NFX1: variants seen among roughly 807,000 people sequenced by gnomAD.
NFX1 encodes the protein nuclear transcription factor, X-box binding 1.
In NFX1, 69 loss-of-function variants were observed where a neutral mutation model predicts 137.2. The observed-to-expected ratio is 0.50, with a 90% CI of 0.41 to 0.61. The LOEUF (loss-of-function observed/expected upper bound fraction) is 0.61. Ranked by LOEUF, NFX1 falls within the 20% of genes least tolerant of loss-of-function variation. The pLI is 0.00. For synonymous variants in NFX1, 495 were observed against 474.1 expected (o/e 1.04, Z -0.57); for missense variants, 1,167 against 1,391.0 (o/e 0.84, Z 2.56).
At chr9:33,328,466 T>A in intron 9 of NFX1, 115 bp from the exon 10 acceptor site, 1 of 708,400 alleles carries the variant, frequency 1.4e-6, no homozygotes, top group South Asian at 1.7e-5. Context: ...TTCCCTCAAC[T>A]CTGATTCTGG....
intron 9 of NFX1, 117 bp from the exon 10 acceptor site, chr9:33,328,464 A>G (rs537597362): frequency 5.7e-6 from 4 of 700,132 alleles, no homozygotes; most frequent in East Asian, 2.5e-5. Flanking sequence ...ACTTCCCTCA[A>G]CTCTGATTCT....
intron 7 of NFX1, 136 bp downstream of exon 7, chr9:33,313,929 G>T: frequency 1.3e-6 from 1 of 788,038 alleles, no homozygotes; most frequent in Non-Finnish European, 2.0e-6. Context: ...GAGATACGAT[G>T]CTTAGACGGT....
intron 13 of NFX1, 82 bp from the exon 14 acceptor site, chr9:33,343,987 G>T: frequency 1.3e-6 from 2 of 1,559,610 alleles, no homozygotes; most frequent in African/African-American, 2.7e-5. Context: ...AAGCAAAAAT[G>T]TGTGTGTTTG....
chr9:33,294,361 A>G (rs1285283821), intron 1 of NFX1, 59 bp from the exon 2 acceptor site: 9 of 1,452,312 alleles, frequency 6.2e-6, no homozygotes, highest in Admixed American at 2.3e-5. Context: ...CTTGGAGTCT[A>G]TGAGTTTCAT....
intron 15 of NFX1, 66 bp downstream of exon 15, chr9:33,347,183 T>G: frequency 8.1e-7 from 1 of 1,235,606 alleles, no homozygotes; most frequent in Non-Finnish European, 1.2e-6. Context: ...ACTTAAGAAT[T>G]GTTAGTCTCA....
chr9:33,356,035 G>A (rs1421587316), intron 19 of NFX1, among the ~76,000 whole-genome samples: 2 of 152,190 alleles, frequency 1.3e-5, no homozygotes, highest in Non-Finnish European at 2.9e-5. Context: ...TAGGGTTTAT[G>A]TGTGTTCAGC....
intron 9 of NFX1, among the ~76,000 whole-genome samples, chr9:33,325,877 T>G (rs986609786): frequency 1.8e-4 from 27 of 152,156 alleles, no homozygotes; most frequent in Non-Finnish European, 2.5e-4. Context: ...GTAAAGATGA[T>G]TATGTAATCA....
At chr9:33,368,116 A>G (rs1366969486) in intron 23 of NFX1, among the ~76,000 whole-genome samples, 1 of 152,034 alleles carries the variant, frequency 6.6e-6, no homozygotes, top group Non-Finnish European at 1.5e-5. Flanking sequence ...GCACCTGTAA[A>G]CACAGCTACT....
At position 33,328,685 on chromosome 9, in the gene NFX1, C is replaced by A. The variant is rs1335997456; in HGVS notation, c.2004+7C>A. ...ATGCTCTTTCAGAACAAAGGTAAAT[C>A]CTAAACAATGCTAGAGTTGTTGCCA... On this transcript the variant is annotated splice_region_variant and intron_variant, in intron 10 of 23. Coordinates refer to ENST00000379540, the MANE Select transcript of NFX1 (RefSeq NM_002504.6). 2 of 1,600,136 alleles carry A rather than the reference C, an allele frequency of 1.2e-6. No individual in the cohort carries two copies. The highest frequency in any genetic ancestry group is 3.3e-5 in the Admixed American group (2 of 59,838).
chr9:33,315,891 C>CAAAA (rs11394022), intron 7 of NFX1, among the ~76,000 whole-genome samples: 3 of 147,464 alleles, frequency 2.0e-5, no homozygotes, highest in Non-Finnish European at 1.5e-5. Context: ...ACCTCTGTCT[C>CAAAA]AAAAAAAAAA....
chr9:33,366,717 T>C lies in NFX1; in HGVS notation c.3128T>C (p.Leu1043Pro). The C allele has an allele frequency of 6.2e-7, 1 of 1,614,222 alleles. No individual in the cohort carries two copies. The highest frequency in any genetic ancestry group is 1.1e-5 in the South Asian group (1 of 91,086). Reference protein sequence around the residue: ...IIHDLAQVYGLESVSYDSEPK... With the variant: ...IIHDLAQVYGPESVSYDSEPK... ...CATGACTTGGCCCAAGTTTATGGCCTGGAGAGCGTGAGCTATGACAGTGAA... is the reference window on the plus strand; with the variant it reads ...CATGACTTGGCCCAAGTTTATGGCCCGGAGAGCGTGAGCTATGACAGTGAA... Residue 1043 changes from leucine (L) to proline (P), a missense_variant, in exon 22 of 24, where the codon CTG becomes CCG. Physicochemically the swap from Leu to Pro is moderately conservative, Grantham distance 98. This residue lies in a region of NFX1 where 312 missense variants were observed against 312.8 expected (regional missense o/e 1.00). Transcript: ENST00000379540.
At chr9:33,295,455 T>TTTAA in intron 2 of NFX1, 28 bp downstream of exon 2, 4 of 1,566,848 alleles carry the variant, frequency 2.6e-6, no homozygotes, top group Non-Finnish European at 3.5e-6. Context: ...GGAAATATTT[T>TTTAA]GTTGTCTTTT....
intron 7 of NFX1, among the ~76,000 whole-genome samples, chr9:33,315,726 ACAAC>A (rs1475957423): frequency 1.7e-4 from 22 of 132,466 alleles, no homozygotes; most frequent in South Asian, 4.8e-4. Context: ...GTCTCTAACA[ACAAC>A]AAAAAAAAAA....
At chr9:33,340,594 C>T (rs531555790) in intron 12 of NFX1, among the ~76,000 whole-genome samples, 1 of 152,336 alleles carries the variant, frequency 6.6e-6, no homozygotes, top group South Asian at 2.1e-4. Flanking sequence ...GCTTGATTTT[C>T]TTCTCAGAAA....
At chr9:33,347,732 T>A (rs1823479942) in intron 15 of NFX1, 1 of 414,974 alleles carries the variant, frequency 2.4e-6, no homozygotes, top group East Asian at 7.9e-5. Flanking sequence ...TGCACACGCA[T>A]GTTTATAGCA....
chr9:33,294,375 T>G, intron 1 of NFX1, 45 bp from the exon 2 acceptor site: 1 of 1,495,264 alleles, frequency 6.7e-7, no homozygotes, highest in Non-Finnish European at 9.0e-7. Flanking sequence ...GTTTCATGGA[T>G]GAAGTTTAAT....
At chr9:33,344,037 G>T (rs1587861316) in intron 13 of NFX1, 32 bp from the exon 14 acceptor site, 2 of 1,613,118 alleles carry the variant, frequency 1.2e-6, no homozygotes, top group East Asian at 4.5e-5. Flanking sequence ...AACTCAGAAA[G>T]GATTCTTTTG....
chr9:33,355,545 GA>G (rs1340336333), intron 19 of NFX1, among the ~76,000 whole-genome samples: 17 of 149,992 alleles, frequency 1.1e-4, no homozygotes, highest in Non-Finnish European at 2.4e-4. Context: ...ATTCCTGCAT[GA>G]TTTTTTTTGT....
chr9:33,296,470 G>C (rs1587814796), intron 2 of NFX1, among the ~76,000 whole-genome samples: 1 of 152,352 alleles, frequency 6.6e-6, no homozygotes, highest in South Asian at 2.1e-4. Context: ...GCTCACACCT[G>C]TAATTCCTGC....
Sources: allele counts gnomAD v4.1 joint callset (sites outside exome capture counted in the v4.1 genomes callset), GRCh38; gene constraint gnomAD v4.1.1; regional missense constraint gnomAD v4.1.1; transcripts MANE v1.5; gene names NCBI Gene and HGNC (gene_info 2026-07-23, HGNC 2026-07-21).